CCDC180: variants seen among roughly 807,000 people sequenced by gnomAD.
The protein encoded by CCDC180 is coiled-coil domain containing 180.
Under a neutral mutation model 209.2 loss-of-function variants are expected in CCDC180, and 154 were observed. The observed-to-expected ratio is 0.74, with a 90% CI of 0.65 to 0.84. CCDC180 has a LOEUF of 0.84. CCDC180 is among the 40% of genes least tolerant of loss of function. The pLI is 0.00. For missense variants in CCDC180, 1,874 were observed against 1,997.3 expected, an observed-to-expected ratio of 0.94 and a Z score of 1.18; for synonymous variants, 778 against 749.1, an observed-to-expected ratio of 1.04 and a Z score of -0.63.
At chr9:97,325,576 C>T (rs1833505843) in intron 14 of CCDC180, among the ~76,000 whole-genome samples, 1 of 152,198 alleles carries the variant, frequency 6.6e-6, no homozygotes, top group Non-Finnish European at 1.5e-5. Context: ...ACATTGTGAG[C>T]TGCAAAGCTA....
At chr9:97,361,701 T>C (rs775914579) in intron 26 of CCDC180, 25 bp from the exon 27 acceptor site, 1 of 1,611,938 alleles carries the variant, frequency 6.2e-7, no homozygotes, top group Non-Finnish European at 8.5e-7. Flanking sequence ...CCTTACACCC[T>C]CAGGCCCTTC....
chr9:97,315,119 G>A (rs1833122717), intron 8 of CCDC180, among the ~76,000 whole-genome samples, 173 bp downstream of exon 8: 1 of 152,122 alleles, frequency 6.6e-6, no homozygotes, highest in East Asian at 1.9e-4. Flanking sequence ...CCTTGCTATT[G>A]TAGTCCTTGC....
intron 18 of CCDC180, among the ~76,000 whole-genome samples, chr9:97,334,182 C>T (rs1284907291): frequency 1.3e-5 from 2 of 152,110 alleles, no homozygotes; most frequent in African/African-American, 2.4e-5. Context: ...AAACAATGCT[C>T]CTATCCTAGA....
chr9:97,321,213 A>C (rs745437534), intron 11 of CCDC180, among the ~76,000 whole-genome samples: 23 of 152,212 alleles, frequency 1.5e-4, no homozygotes, highest in African/African-American at 5.3e-4. Context: ...TGCATTTTCA[A>C]CTGAAGATAT....
At chr9:97,342,048 G>T (rs1469951649) in intron 18 of CCDC180, among the ~76,000 whole-genome samples, 1 of 152,220 alleles carries the variant, frequency 6.6e-6, no homozygotes, top group African/African-American at 2.4e-5. Flanking sequence ...GTGTTTAGGT[G>T]GCAGTGTTCT....
intron 21 of CCDC180, among the ~76,000 whole-genome samples, 182 bp downstream of exon 21, chr9:97,349,473 G>A (rs1428957840): frequency 3.9e-5 from 6 of 152,182 alleles, no homozygotes; most frequent in Admixed American, 2.6e-4. Context: ...TGCTTGGGAG[G>A]GCAGGGAGTG....
intron 14 of CCDC180, 140 bp downstream of exon 14, chr9:97,325,332 A>C: frequency 1.2e-6 from 1 of 801,420 alleles, no homozygotes; most frequent in Non-Finnish European, 1.9e-6. Context: ...TCATGGGATC[A>C]GATGGGAGTA....
intron 36 of CCDC180, chr9:97,375,861 G>A (rs1421640752): frequency 2.2e-6 from 1 of 458,646 alleles, no homozygotes; most frequent in African/African-American, 1.9e-5. Flanking sequence ...GCTTTCCAAA[G>A]GCACAGTAGT....
chr9:97,325,238 A>T, intron 14 of CCDC180, 46 bp downstream of exon 14: 1 of 1,542,208 alleles, frequency 6.5e-7, no homozygotes. Context: ...ACAAACAGCA[A>T]TGAACTCAAA....
chr9:97,363,357 TCTGACTTAGAGCAGG>T (rs1343755358), intron 28 of CCDC180, among the ~76,000 whole-genome samples: 1 of 152,172 alleles, frequency 6.6e-6, no homozygotes, highest in Non-Finnish European at 1.5e-5. Context: ...TTCCTGCAAA[TCTGACTTAGAGCAGG>T]CTGACTTCCT....
rs914300703 is a variant in CCDC180 at position 97,328,047 on chromosome 9, A to G, written c.1689A>G (p.Thr563=). 4 of 1,613,862 alleles carry G rather than the reference A, an allele frequency of 2.5e-6. No individual in the cohort carries two copies. The highest frequency in any genetic ancestry group is 1.3e-5 in the African/African-American group (1 of 74,904). Residue 563 remains threonine, a synonymous_variant, in exon 16 of 37, where the codon ACA becomes ACG. Transcript: ENST00000529487. ...ATGAATGTTTTCACACCCTCCTGAC[A>G]AAGGAAGTGATGGAGTACCCAGCGA... ...SRYECFHTLL[T]KEVMEYPAIM... is the part of the protein sequence containing the mutation.
At position 97,314,405 on chromosome 9, in the gene CCDC180, C is replaced by T. The variant is rs922321915; in HGVS notation, c.472C>T (p.Leu158Phe). Residue 158 changes from leucine (L) to phenylalanine (F), a missense_variant, in exon 6 of 37, where the codon CTC becomes TTC. Physicochemically the swap from Leu to Phe is conservative, Grantham distance 22 (BLOSUM62 0). Transcript: ENST00000529487. ...IAQVGKEMEP[L>F]IVDTGGLFLK... ...TGGCCTGTTGCAGGAAATGGAACCTCTCATCGTGGACACAGGGGGACTTTT... is the reference window on the plus strand; with the variant it reads ...TGGCCTGTTGCAGGAAATGGAACCTTTCATCGTGGACACAGGGGGACTTTT... 8 of 1,614,026 alleles carry T rather than the reference C, an allele frequency of 5.0e-6. No individual in the cohort carries two copies. The highest frequency in any genetic ancestry group is 5.9e-6 in the Non-Finnish European group (7 of 1,180,022).
At chr9:97,347,603 A>G in intron 20 of CCDC180, 114 bp downstream of exon 20, 2 of 1,021,904 alleles carry the variant, frequency 2.0e-6, no homozygotes. Context: ...AATGTTTAGC[A>G]TGTTCTCATC....
In CCDC180 at chr9:97,309,455, T is replaced by A; in HGVS notation, c.111T>A (p.Ala37=). ...VHSLAATRKR[A]AERSVTLKSG... Reference sequence around the variant, plus strand: ...CCCTGGCGGCCACCAGGAAGCGGGCTGCAGAGCGTTCTGTGACCCTGAAGA... The same window carrying A: ...CCCTGGCGGCCACCAGGAAGCGGGCAGCAGAGCGTTCTGTGACCCTGAAGA... Residue 37 remains alanine (A), a synonymous_variant, in exon 3 of 37, where the codon GCT becomes GCA. Transcript: ENST00000529487. 1 of 1,604,078 alleles carries A rather than the reference T, an allele frequency of 6.2e-7. No individual in the cohort carries two copies.
intron 11 of CCDC180, among the ~76,000 whole-genome samples, chr9:97,321,663 C>T (rs1833362796): frequency 6.6e-6 from 1 of 152,216 alleles, no homozygotes; most frequent in Non-Finnish European, 1.5e-5. Context: ...GTAGCTGGCT[C>T]TGCCCTCCGG....
chr9:97,317,840 C>CAA (rs1833229250), intron 9 of CCDC180, among the ~76,000 whole-genome samples: 1 of 152,160 alleles, frequency 6.6e-6, no homozygotes, highest in East Asian at 1.9e-4. Flanking sequence ...TCTTCCTATG[C>CAA]AAAACAGGCA....
intron 36 of CCDC180, 148 bp from the exon 37 acceptor site, chr9:97,376,615 G>A (rs943962426): frequency 4.6e-5 from 36 of 775,034 alleles, no homozygotes; most frequent in Non-Finnish European, 6.6e-5. Flanking sequence ...AGGACTACCT[G>A]GTTTCTACCT....
rs144104410 is a variant in CCDC180, at chr9:97,335,767, C to T, written c.2274+5000C>T. Among the ~76,000 whole-genome samples the T allele has an allele frequency of 1.1e-3, 175 of 152,262 alleles. 2 individuals are homozygous for T. The highest frequency in any genetic ancestry group is 2.0e-3 in the African/African-American group (84 of 41,554). On this transcript the variant is annotated intron_variant, in intron 18 of 36. Transcript: ENST00000529487. The stretch of plus-strand genomic sequence containing the variant: ...GGAATCGCCACACTGTCTTCCACAA[C>T]GGTTGAACTAGTTTACACTCCCACC...
intron 21 of CCDC180, 27 bp from the exon 22 acceptor site, chr9:97,350,382 G>T (rs1035499900): frequency 6.5e-7 from 1 of 1,533,436 alleles, no homozygotes. Flanking sequence ...CCCCATCACT[G>T]TCCTGTTCCT....
Sources: allele counts gnomAD v4.1 joint callset (sites outside exome capture counted in the v4.1 genomes callset), GRCh38; gene constraint gnomAD v4.1.1; transcripts MANE v1.5; gene names NCBI Gene and HGNC (gene_info 2026-07-23, HGNC 2026-07-21).